SPOCK3: variants seen among roughly 807,000 people sequenced by gnomAD.
SPOCK3 encodes SPARC (osteonectin), cwcv and kazal like domains proteoglycan 3, also known as testican-3.
SPOCK3 carries 30 observed loss-of-function variants against 56.6 expected under a neutral mutation model. That is an observed-to-expected ratio of 0.53 (90% CI 0.40 to 0.72). The LOEUF (loss-of-function observed/expected upper bound fraction) is 0.72. Ranked by LOEUF, SPOCK3 falls within the 30% of genes least tolerant of loss-of-function variation. The pLI, the probability that SPOCK3 is intolerant of heterozygous loss-of-function variation, is 0.00. For synonymous variants in SPOCK3, 196 were observed against 183.3 expected (o/e 1.07, Z -0.56); for missense variants, 527 against 530.0 (o/e 0.99, Z 0.06).
At chr4:167,199,857 AAT>A (rs1217727585) in intron 2 of SPOCK3, among the ~76,000 whole-genome samples, 1 of 150,982 alleles carries the variant, frequency 6.6e-6, no homozygotes, top group Non-Finnish European at 1.5e-5. Context: ...CATCTTTACA[AAT>A]TTGGAAAAAA....
intron 4 of SPOCK3, among the ~76,000 whole-genome samples, chr4:166,979,726 T>C (rs1746369098): frequency 6.6e-6 from 1 of 152,138 alleles, no homozygotes; most frequent in Admixed American, 6.5e-5. Flanking sequence ...TTCCCAGGGA[T>C]CTATTCTCTA....
intron 2 of SPOCK3, among the ~76,000 whole-genome samples, chr4:167,208,082 C>A (rs2111006059): frequency 6.6e-6 from 1 of 152,110 alleles, no homozygotes; most frequent in Admixed American, 6.6e-5. Flanking sequence ...AAGTATTTGG[C>A]AAACACTTTC....
chr4:166,764,171 T>A (rs1442867035), intron 7 of SPOCK3, among the ~76,000 whole-genome samples: 1 of 152,134 alleles, frequency 6.6e-6, no homozygotes, highest in Non-Finnish European at 1.5e-5. Context: ...CATTTCTTTT[T>A]CAATACAGGG....
At chr4:167,115,515 T>C (rs1446482296) in intron 2 of SPOCK3, among the ~76,000 whole-genome samples, 1 of 152,142 alleles carries the variant, frequency 6.6e-6, no homozygotes, top group Non-Finnish European at 1.5e-5. Context: ...AATACTGCTG[T>C]AATACTTGAA....
intron 2 of SPOCK3, among the ~76,000 whole-genome samples, chr4:167,228,690 G>A (rs1736834912): frequency 6.6e-6 from 1 of 152,076 alleles, no homozygotes; most frequent in African/African-American, 2.4e-5. Context: ...GGCTTAACTA[G>A]GATCCTGATG....
chr4:166,950,300 A>C (rs1431566184), intron 4 of SPOCK3, among the ~76,000 whole-genome samples: 9 of 151,570 alleles, frequency 5.9e-5, no homozygotes, highest in Admixed American at 3.9e-4. Flanking sequence ...TCTCTGATAA[A>C]ACAGACTTTA....
intron 7 of SPOCK3, among the ~76,000 whole-genome samples, chr4:166,789,164 T>C (rs1741058751): frequency 6.6e-6 from 1 of 152,092 alleles, no homozygotes; most frequent in Non-Finnish European, 1.5e-5. Flanking sequence ...GTGCGGTGGC[T>C]CACCCCTGTA....
At chr4:167,054,130 G>C (rs1448578243) in intron 3 of SPOCK3, among the ~76,000 whole-genome samples, 3 of 152,084 alleles carry the variant, frequency 2.0e-5, no homozygotes, top group Non-Finnish European at 4.4e-5. Flanking sequence ...TCGTGTGCTG[G>C]AGAAAATAAC....
At chr4:167,075,230 C>A (rs971762959) in intron 2 of SPOCK3, among the ~76,000 whole-genome samples, 2 of 151,658 alleles carry the variant, frequency 1.3e-5, no homozygotes, top group Non-Finnish European at 2.9e-5. Context: ...AAATTAACCA[C>A]TTAAAAATTG....
rs540125281 is a variant in SPOCK3 at position 166,739,964 on chromosome 4, G to T, written c.994+2033C>A. On this transcript the variant is annotated intron_variant, in intron 9 of 10. Coordinates refer to ENST00000357545, the MANE Select transcript of SPOCK3 (RefSeq NM_001040159.2). ...TCAGAACGCTTTCTATGGATTAAAG[G>T]CCAGAAAAAATAAGGAAAAAATTCA... 3.1e-4 allele frequency among the ~76,000 whole-genome samples: 47 copies of T among 152,056 alleles called. No individual in the cohort carries two copies. The South Asian group carries it at 4.4e-3, about 14-fold the overall frequency.
chr4:167,135,007 T>C (rs983756781), intron 2 of SPOCK3, among the ~76,000 whole-genome samples: 83 of 151,828 alleles, frequency 5.5e-4, no homozygotes, highest in Non-Finnish European at 1.9e-4. Flanking sequence ...TGATCTTGAC[T>C]TTTTAGTTCA....
chr4:167,224,452 C>A (rs942314432), intron 2 of SPOCK3, among the ~76,000 whole-genome samples: 1 of 152,066 alleles, frequency 6.6e-6, no homozygotes, highest in Non-Finnish European at 1.5e-5. Flanking sequence ...CATTCTAAAT[C>A]CACATAAAAA....
chr4:166,865,631 C>A (rs2126926056), intron 6 of SPOCK3, among the ~76,000 whole-genome samples: 1 of 152,166 alleles, frequency 6.6e-6, no homozygotes, highest in East Asian at 1.9e-4. Flanking sequence ...TCCTATACAC[C>A]AATAACAGAC....
intron 4 of SPOCK3, among the ~76,000 whole-genome samples, chr4:166,999,374 AT>A (rs1748723007): frequency 3.9e-5 from 6 of 152,182 alleles, no homozygotes; most frequent in Non-Finnish European, 8.8e-5. Flanking sequence ...TATGAGAAAC[AT>A]CAATGTAACT....
chr4:167,184,567 C>T (rs1731791096), intron 2 of SPOCK3, among the ~76,000 whole-genome samples: 2 of 152,128 alleles, frequency 1.3e-5, no homozygotes, highest in Admixed American at 6.5e-5. Flanking sequence ...TTGTCATCTC[C>T]ATTTTATAGG....
chr4:166,779,059 C>T (rs1167437232), intron 7 of SPOCK3, among the ~76,000 whole-genome samples: 3 of 152,144 alleles, frequency 2.0e-5, no homozygotes, highest in Non-Finnish European at 2.9e-5. Context: ...AGGCTTCAAT[C>T]ACCTCTGCTA....
intron 7 of SPOCK3, among the ~76,000 whole-genome samples, chr4:166,765,173 T>C (rs1288627246): frequency 6.6e-6 from 1 of 150,672 alleles, no homozygotes; most frequent in East Asian, 2.0e-4. Context: ...TCTTTTGCTG[T>C]GAAGCTCTTT....
chr4:167,233,952 G>T (rs1310840836), intron 2 of SPOCK3, 33 bp downstream of exon 2: 3 of 1,589,304 alleles, frequency 1.9e-6, no homozygotes, highest in Admixed American at 1.7e-5. Context: ...CAGCGCGCGC[G>T]TGTGCCCGGG....
rs564037717 is a variant in SPOCK3 at position 166,866,541 on chromosome 4, TGTCTAATATCCAGA to T, written c.589+22575_589+22588del. On this transcript the variant is annotated intron_variant, in intron 6 of 10. Transcript: ENST00000357545. ...GTTTTCAATCTATCTATCTGACAAA[TGTCTAATATCCAGA>T]GTCTACAAGGAACTTAAACAAATTT... is the stretch of plus-strand genomic sequence containing the variant. 2.3e-3 allele frequency among the ~76,000 whole-genome samples: 357 copies of T among 152,078 alleles called. 2 individuals carry two copies. The highest frequency in any genetic ancestry group is 7.9e-3 in the African/African-American group (328 of 41,510).
Sources: allele counts gnomAD v4.1 joint callset (sites outside exome capture counted in the v4.1 genomes callset), GRCh38; gene constraint gnomAD v4.1.1; transcripts MANE v1.5; gene names NCBI Gene and HGNC (gene_info 2026-07-23, HGNC 2026-07-21).